Variants in ASXL2 observed in about 807,000 individuals in gnomAD.
The protein encoded by ASXL2 is putative Polycomb group protein ASXL2.
Under a neutral mutation model 122.0 loss-of-function variants are expected in ASXL2, and 23 were observed. The ratio of observed to expected loss-of-function variants is 0.19; its 90% CI spans 0.14 to 0.27. The LOEUF (loss-of-function observed/expected upper bound fraction) is 0.27. Among genes scored for constraint, ASXL2 ranks in the 10% least tolerant of loss-of-function variants. ASXL2 has a pLI of 1.00. For missense variants in ASXL2, 1,518 were observed against 1,713.8 expected, an observed-to-expected ratio of 0.89 and a Z score of 2.02; for synonymous variants, 650 against 637.0, an observed-to-expected ratio of 1.02 and a Z score of -0.31.
At position 25,837,303 on chromosome 2, in the gene ASXL2, C is replaced by T. The variant is rs936605466; in HGVS notation, c.141-1763G>A. On this transcript the variant is annotated intron_variant, in intron 2 of 12. Transcript: ENST00000435504. ...GCATGGTTTCAAAGAATATTCAGGG[C>T]GTGTATTCTGTCAACAGTGTGTAGG... Among the ~76,000 whole-genome samples the T allele has an allele frequency of 2.6e-5, 4 of 152,218 alleles. No individual in the cohort carries two copies. In the East Asian group the frequency reaches 7.7e-4, roughly 29 times the overall value.
intron 6 of ASXL2, 140 bp downstream of exon 6, chr2:25,771,300 C>T (rs2088448264): frequency 3.1e-6 from 2 of 639,328 alleles, no homozygotes; most frequent in African/African-American, 3.8e-5. Context: ...ATTACTAAAA[C>T]CACATTGGGC....
chr2:25,822,739 AAGG>A, intron 3 of ASXL2: 1 of 660,392 alleles, frequency 1.5e-6, no homozygotes, highest in Non-Finnish European at 2.8e-6. Context: ...AGGTTAACAA[AAGG>A]AAGGGCAAAA....
At chr2:25,791,699 C>G (rs2088837356) in intron 5 of ASXL2, among the ~76,000 whole-genome samples, 1 of 152,092 alleles carries the variant, frequency 6.6e-6, no homozygotes, top group Admixed American at 6.5e-5. Context: ...CCTGTCTTCC[C>G]TAGTGATTAA....
At chr2:25,775,873 C>T (rs944545725) in intron 5 of ASXL2, among the ~76,000 whole-genome samples, 1 of 152,080 alleles carries the variant, frequency 6.6e-6, no homozygotes, top group African/African-American at 2.4e-5. Flanking sequence ...TATTAAATAT[C>T]TTTTGTTTTA....
At chr2:25,810,394 TCA>T in intron 3 of ASXL2, 1 of 677,304 alleles carries the variant, frequency 1.5e-6, no homozygotes, top group South Asian at 1.5e-5. Context: ...CATATCTCTC[TCA>T]CTCTGATCAG....
intron 1 of ASXL2, among the ~76,000 whole-genome samples, chr2:25,847,454 A>G (rs2089661523): frequency 6.6e-6 from 1 of 152,206 alleles, no homozygotes; most frequent in African/African-American, 2.4e-5. Context: ...TAATAACATT[A>G]ACCACACCAA....
Position 25,739,711 on chromosome 2 carries a change from C to T in ASXL2, c.*2318G>A, listed in dbSNP as rs1381615532. On this transcript the variant is annotated 3_prime_UTR_variant, in exon 13 of 13. Coordinates refer to ENST00000435504, the MANE Select transcript of ASXL2 (RefSeq NM_018263.6). ...GGACTTAAAAATCCCTGATACCTTT[C>T]CTCCTTTCCTAGTTATAGTCTGTTC... The T allele has an allele frequency of 4.8e-6, 1 of 208,902 alleles. No individual in the cohort carries two copies. The highest frequency in any genetic ancestry group is 9.7e-6 in the Non-Finnish European group (1 of 102,850). The allele number at this position is 208,902 out of a possible 1,614,324, so 12.9% of individuals were successfully genotyped here.
chr2:25,805,478 T>A (rs1183772100), intron 4 of ASXL2, among the ~76,000 whole-genome samples: 3 of 151,878 alleles, frequency 2.0e-5, no homozygotes, highest in Non-Finnish European at 4.4e-5. Flanking sequence ...CCTGTCTTTT[T>A]GTACTTATCT....
intron 11 of ASXL2, among the ~76,000 whole-genome samples, chr2:25,752,081 G>A (rs1051780155): frequency 3.3e-5 from 5 of 152,098 alleles, no homozygotes; most frequent in African/African-American, 1.2e-4. Flanking sequence ...CGCAGTTTAT[G>A]GAACTCTTAA....
In ASXL2 at chr2:25,749,747, G is replaced by C. The variant is rs1427619178; in HGVS notation, c.1809C>G (p.Pro603=). 4 of 1,567,436 alleles carry C rather than the reference G, an allele frequency of 2.6e-6. No homozygotes were observed. The highest frequency in any genetic ancestry group is 1.2e-5 in the South Asian group (1 of 81,686). The change falls in exon 12 of 13, where the codon CCC becomes CCG. Residue 603 remains proline (P), a synonymous_variant. Transcript: ENST00000435504. ...GGATTCTGTCCCCTCTATTGAGAAAGGGCTGTGGTGAGACCTGAAATGGCT... is the reference window on the plus strand; with the variant it reads ...GGATTCTGTCCCCTCTATTGAGAAACGGCTGTGGTGAGACCTGAAATGGCT... The part of the protein sequence containing the change: ...HQQPFQVSPQ[P]FLNRGDRIQV...
chr2:25,777,200 A>G (rs1014483398), intron 5 of ASXL2, among the ~76,000 whole-genome samples: 10 of 151,836 alleles, frequency 6.6e-5, no homozygotes, highest in African/African-American at 2.4e-4. Flanking sequence ...GCAATCTCCT[A>G]CCTTCGCCTC....
chr2:25,806,142 A>T, intron 4 of ASXL2, 87 bp downstream of exon 4: 1 of 806,592 alleles, frequency 1.2e-6, no homozygotes, highest in Non-Finnish European at 2.0e-6. Context: ...CTCTTCAAGA[A>T]CAGAATTCTG....
In ASXL2 at chr2:25,756,105, C is replaced by G. The variant is rs1206861877; in HGVS notation, c.949G>C (p.Asp317His). Residue 317 changes from aspartate to histidine, a missense_variant, in exon 10 of 13, where the codon GAT becomes CAT. Asp to His is a moderately conservative substitution (Grantham distance 81). Around this residue, in one of 8 missense-constraint regions of ASXL2, gnomAD observed 92 missense variants for 156.6 expected, o/e 0.59. Transcript: ENST00000435504. ...GAGCCATTTAACTTCATTAAACCAT[C>G]TGGACCAACCTGGGTCAAAGAATAA... The part of the protein sequence containing the change: ...LPEVDRQVGP[D>H]GLMKLNGSAL... 6.3e-7 allele frequency: 1 copy of G among 1,597,692 alleles called. No homozygotes were observed. The highest frequency in any genetic ancestry group is 8.5e-7 in the Non-Finnish European group (1 of 1,173,186).
chr2:25,837,986 C>T (rs2089533500), intron 2 of ASXL2, among the ~76,000 whole-genome samples: 1 of 150,890 alleles, frequency 6.6e-6, no homozygotes, highest in Non-Finnish European at 1.5e-5. Flanking sequence ...AAAAAATTAG[C>T]CAAGCACGGT....
intron 3 of ASXL2, among the ~76,000 whole-genome samples, chr2:25,830,049 G>A (rs1235341464): frequency 6.6e-6 from 1 of 152,188 alleles, no homozygotes; most frequent in Non-Finnish European, 1.5e-5. Context: ...TCAATAAGAA[G>A]CAGCAGAGGT....
At position 25,744,396 on chromosome 2, in the gene ASXL2, A is replaced by T. The variant is rs367997831; in HGVS notation, c.1941T>A (p.Thr647=). The T allele has an allele frequency of 4.3e-6, 7 of 1,613,842 alleles. No homozygotes were observed. The South Asian group carries it at 7.7e-5, about 18-fold the overall frequency. The change falls in exon 13 of 13, where the codon ACT becomes ACA. Residue 647 remains threonine (T), a synonymous_variant. Coordinates refer to ENST00000435504, the MANE Select transcript of ASXL2 (RefSeq NM_018263.6). The surrounding 1 kb of genome is among the most constrained non-coding windows in gnomAD (Gnocchi z 4.7). The stretch of plus-strand genomic sequence containing the variant: ...TTCTGGCTCCTGTTCTGTTAGGACT[A>T]GTGATGGAGACTGGAAAACGAGCCC... ...SPRARFPVSI[T]SPNRTGARTL...
intron 3 of ASXL2, among the ~76,000 whole-genome samples, chr2:25,808,754 C>T (rs530178942): frequency 6.6e-6 from 1 of 152,294 alleles, no homozygotes; most frequent in South Asian, 2.1e-4. Context: ...AAGAGTTGCA[C>T]TATTGATTTG....
intron 5 of ASXL2, among the ~76,000 whole-genome samples, chr2:25,774,981 T>C (rs1263471658): frequency 6.6e-6 from 1 of 152,222 alleles, no homozygotes; most frequent in African/African-American, 2.4e-5. Flanking sequence ...AAGACTGTTA[T>C]TTCATTTTGC....
chr2:25,831,952 C>T (rs571298071), intron 3 of ASXL2, among the ~76,000 whole-genome samples: 1 of 152,268 alleles, frequency 6.6e-6, no homozygotes. Flanking sequence ...TTCACTAGTG[C>T]TGAATGAAAA....
Sources: gnomAD v4.1 joint callset for allele counts (sites outside exome capture counted in the v4.1 genomes callset) on GRCh38, gnomAD v4.1.1 for gene constraint, gnomAD v4.1.1 regional missense constraint, Gnocchi (gnomAD v3.1) non-coding constraint, MANE v1.5 for transcripts, NCBI Gene and HGNC (gene_info 2026-07-23, HGNC 2026-07-21) for gene names.